Variants in NFILZ observed in about 807,000 individuals in gnomAD.
The protein encoded by NFILZ is NFIL3 like protein.
intron 3 of NFILZ, among the ~76,000 whole-genome samples, chr19:8,639,766 A>G (rs74549644): frequency 0.97 from 147,823 of 152,236 alleles, 71,890 homozygotes; most frequent in Non-Finnish European, 1. Flanking sequence ...AGTGTCTGGC[A>G]TATACCACAC....
Position 8,660,553 on chromosome 19 carries a change from C to CCTTCCT in NFILZ, c.-163-13998_-163-13997insCTTCCT, listed in dbSNP as rs1555748972. On this transcript the variant is annotated intron_variant, in intron 3 of 5. Transcript: ENST00000691075. The stretch of plus-strand genomic sequence containing the variant: ...TTTCCTTCCTTCCTTCTTTCCTTCT[C>CCTTCCT]TCCTTCCTTCCTTCCTCCCCTCCCT... Among the ~76,000 whole-genome samples the CCTTCCT allele has an allele frequency of 2.4e-4, 31 of 129,518 alleles. 1 individual carries two copies. Among genetic ancestry groups the CCTTCCT allele is most frequent in the African/African-American group, 1.0e-3 (31 of 30,862 alleles). 85.0% of individuals were successfully genotyped at this position (129,518 alleles called of 152,430 possible). A position where few individuals can be genotyped will look rare whatever the true frequency, so the allele number is the denominator to read the frequency against.
chr19:8,655,715 C>T (rs972512000), intron 3 of NFILZ, among the ~76,000 whole-genome samples: 11 of 152,148 alleles, frequency 7.2e-5, no homozygotes, highest in Non-Finnish European at 1.5e-4. Context: ...CTGCCTGTCT[C>T]AGGCCCTCTC....
chr19:8,644,673 C>T lies in NFILZ; in HGVS notation c.-164+8927C>T, dbSNP rs141526005. On this transcript the variant is annotated intron_variant, in intron 3 of 5. Coordinates refer to ENST00000691075, the MANE Select transcript of NFILZ (RefSeq NM_001378600.1). ...AGAGATGGGGGTCTTACCGTGTTGC[C>T]CAGGCTGGTCTTGAACTCCTGGGCT... 6.2e-3 allele frequency among the ~76,000 whole-genome samples: 946 copies of T among 152,040 alleles called. 14 individuals are homozygous for T. Among genetic ancestry groups the T allele is most frequent in the African/African-American group, 0.021 (881 of 41,482 alleles).
chr19:8,663,251 G>A (rs1265284965), intron 3 of NFILZ, among the ~76,000 whole-genome samples: 1 of 152,088 alleles, frequency 6.6e-6, no homozygotes, highest in Non-Finnish European at 1.5e-5. Context: ...GATCCACTGT[G>A]CCTGGCCTCT....
intron 3 of NFILZ, among the ~76,000 whole-genome samples, chr19:8,650,292 A>C (rs1237615859): frequency 6.6e-6 from 1 of 152,110 alleles, no homozygotes; most frequent in African/African-American, 2.4e-5. Flanking sequence ...AAGATCTTAC[A>C]TGACCACAGT....
chr19:8,672,800 C>T (rs1412488333), intron 3 of NFILZ, among the ~76,000 whole-genome samples: 1 of 152,218 alleles, frequency 6.6e-6, no homozygotes, highest in Non-Finnish European at 1.5e-5. Flanking sequence ...GGGCCTTCCT[C>T]CTTCATTCCT....
At chr19:8,669,309 C>T (rs1393596402) in intron 3 of NFILZ, among the ~76,000 whole-genome samples, 1 of 152,146 alleles carries the variant, frequency 6.6e-6, no homozygotes, top group Non-Finnish European at 1.5e-5. Flanking sequence ...TTATCAGGTA[C>T]CAGCTCTTAA....
intron 3 of NFILZ, among the ~76,000 whole-genome samples, chr19:8,672,165 A>T (rs1455270214): frequency 2.6e-5 from 4 of 152,174 alleles, no homozygotes; most frequent in Non-Finnish European, 5.9e-5. Flanking sequence ...AAATCCATGC[A>T]TTTATTAGTT....
intron 3 of NFILZ, among the ~76,000 whole-genome samples, chr19:8,645,443 A>G (rs2118706): frequency 0.38 from 57,570 of 151,700 alleles, 11,490 homozygotes; most frequent in Middle Eastern, 0.52. Context: ...CCTGGCTCCT[A>G]CATTACTTTT....
In NFILZ at chr19:8,661,840, G is replaced by A. The variant is rs782166979; in HGVS notation, c.-163-12711G>A. Among the ~76,000 whole-genome samples, 37 of 152,084 alleles carry A rather than the reference G, an allele frequency of 2.4e-4. 2 individuals carry two copies. The highest frequency in any genetic ancestry group is 2.2e-3 in the Admixed American group (33 of 15,244). On this transcript the variant is annotated intron_variant, in intron 3 of 5. Coordinates refer to ENST00000691075, the MANE Select transcript of NFILZ (RefSeq NM_001378600.1). ...CCAGAGGTTGCAGCAAGCAGAGATC[G>A]CGCCACTGTAATCCAGCCTGGGCGA... is the stretch of plus-strand genomic sequence containing the variant.
rs2042885526 is a variant in NFILZ at position 8,634,448 on chromosome 19, G to A, written c.-260-1202G>A. On this transcript the variant is annotated intron_variant, in intron 2 of 5. Coordinates refer to ENST00000691075, the MANE Select transcript of NFILZ (RefSeq NM_001378600.1). ...CTATCGGCGCATGCCGTGACACCCA[G>A]CTAATTTTTATTTTTTGTAGAGATG... Among the ~76,000 whole-genome samples the A allele has an allele frequency of 2.0e-5, 3 of 152,192 alleles. No homozygotes were observed. In the South Asian group the frequency reaches 6.2e-4, roughly 31 times the overall value.
At chr19:8,646,049 TTG>T (rs1568418968) in intron 3 of NFILZ, among the ~76,000 whole-genome samples, 2 of 151,650 alleles carry the variant, frequency 1.3e-5, no homozygotes, top group African/African-American at 2.4e-5. Context: ...TTCTTTTTTT[TTG>T]GGGGGGATGG....
At chr19:8,651,406 C>G (rs2042964323) in intron 3 of NFILZ, among the ~76,000 whole-genome samples, 1 of 152,240 alleles carries the variant, frequency 6.6e-6, no homozygotes, top group South Asian at 2.1e-4. Flanking sequence ...AAGTGATCCA[C>G]TCGCTTCAGC....
At chr19:8,653,038 T>TTCTTTCTTTCTTTCTTTCTCTCTCCC (rs1555747925) in intron 3 of NFILZ, among the ~76,000 whole-genome samples, 1 of 90,594 alleles carries the variant, frequency 1.1e-5, no homozygotes, top group African/African-American at 4.7e-5. Flanking sequence ...CTTTCTTTCT[T>TTCTTTCTTTCTTTCTTTCTCTCTCCC]TCTCTCTCTC....
intron 1 of NFILZ, among the ~76,000 whole-genome samples, chr19:8,631,826 G>C (rs535755663): frequency 9.0e-4 from 100 of 110,732 alleles, no homozygotes; most frequent in African/African-American, 3.1e-3. Context: ...TCCAGTCCTC[G>C]CTTTTGTGTG....
intron 3 of NFILZ, among the ~76,000 whole-genome samples, chr19:8,663,668 T>A (rs1248097669): frequency 2.0e-5 from 3 of 148,758 alleles, no homozygotes; most frequent in African/African-American, 7.6e-5. Flanking sequence ...CAGCTGGGAG[T>A]CACAATCTCC....
chr19:8,653,043 TCTCTCTCTCTCTCTCTCTCTCTCTCTCTC>T (rs2042975915), intron 3 of NFILZ, among the ~76,000 whole-genome samples: 2 of 69,268 alleles, frequency 2.9e-5, no homozygotes, highest in East Asian at 3.9e-4. Context: ...TTTCTTTCTC[TCTCTCTCTCTCTCTCTCTCTCTCTCTCTC>T]TCTCTCTCTC....
intron 3 of NFILZ, among the ~76,000 whole-genome samples, chr19:8,663,748 G>GTGTGTGTATGTGTGTA (rs2043046784): frequency 7.9e-5 from 11 of 139,372 alleles, no homozygotes; most frequent in African/African-American, 2.5e-4. Flanking sequence ...GTGTGTGTGT[G>GTGTGTGTATGTGTGTA]TGTGTGTGTG....
At chr19:8,675,168 G>A (rs1292053939) in intron 4 of NFILZ, among the ~76,000 whole-genome samples, 5 of 152,206 alleles carry the variant, frequency 3.3e-5, no homozygotes, top group Non-Finnish European at 5.9e-5. Flanking sequence ...TTATGGAGAT[G>A]ACAGTCATCG....
Sources: allele counts gnomAD v4.1 joint callset (sites outside exome capture counted in the v4.1 genomes callset), GRCh38; gene constraint gnomAD v4.1.1; transcripts MANE v1.5; gene names NCBI Gene and HGNC (gene_info 2026-07-23, HGNC 2026-07-21).